Variants in RAPGEF4 observed in about 807,000 individuals in gnomAD.
The protein encoded by RAPGEF4 is Rap guanine nucleotide exchange factor 4, also known as RAP guanine-nucleotide-exchange factor (GEF) 4.
In RAPGEF4, 66 loss-of-function variants were observed where a neutral mutation model predicts 147.9. The ratio of observed to expected loss-of-function variants is 0.45; its 90% confidence interval spans 0.37 to 0.55. RAPGEF4 has a LOEUF of 0.55. Among genes scored for constraint, RAPGEF4 ranks in the 20% least tolerant of loss-of-function variants. RAPGEF4 has a pLI of 0.00. For missense variants in RAPGEF4, 1,071 were observed against 1,257.3 expected (o/e 0.85, Z 2.24); for synonymous variants, 419 against 442.7 (o/e 0.95, Z 0.67).
At chr2:173,020,118 A>G (rs1695925523) in intron 22 of RAPGEF4, among the ~76,000 whole-genome samples, 1 of 152,192 alleles carries the variant, frequency 6.6e-6, no homozygotes, top group Admixed American at 6.5e-5. Flanking sequence ...CATCTGAAGA[A>G]CTAATTTTTT....
At chr2:172,897,968 C>G (rs1189870333) in intron 4 of RAPGEF4, among the ~76,000 whole-genome samples, 4 of 152,088 alleles carry the variant, frequency 2.6e-5, no homozygotes, top group Admixed American at 6.5e-5. Context: ...TCCCTGGTGA[C>G]TGGGCTGGCG....
At chr2:172,859,562 A>C (rs539533940) in intron 4 of RAPGEF4, among the ~76,000 whole-genome samples, 2 of 152,338 alleles carry the variant, frequency 1.3e-5, no homozygotes, top group Admixed American at 1.3e-4. Context: ...ATAGCATTTT[A>C]TTCTTTGTAT....
intron 4 of RAPGEF4, among the ~76,000 whole-genome samples, chr2:172,903,761 A>G (rs1029061742): frequency 6.6e-6 from 1 of 152,160 alleles, no homozygotes; most frequent in African/African-American, 2.4e-5. Context: ...GGTGAGTTAT[A>G]TATGAATGCT....
chr2:172,950,308 C>T (rs1308826243), intron 6 of RAPGEF4, among the ~76,000 whole-genome samples: 7 of 152,058 alleles, frequency 4.6e-5, no homozygotes, highest in Non-Finnish European at 8.8e-5. Flanking sequence ...TACCCAGTGG[C>T]GGGGGCCGTG....
chr2:173,026,556 G>A lies in RAPGEF4; in HGVS notation c.2254-16G>A. On this transcript the variant is annotated splice_polypyrimidine_tract_variant and intron_variant, in intron 23 of 30. Coordinates refer to ENST00000397081, the MANE Select transcript of RAPGEF4 (RefSeq NM_007023.4). Reference sequence around the variant, plus strand: ...TGTGTTGAGTTTCTGATATGTTTTTGCATTATTATTCATAGACTCCCTTAC... The same window carrying A: ...TGTGTTGAGTTTCTGATATGTTTTTACATTATTATTCATAGACTCCCTTAC... The A allele has an allele frequency of 6.2e-7, 1 of 1,607,694 alleles. No individual in the cohort carries two copies. Among genetic ancestry groups the A allele is most frequent in the African/African-American group, 1.3e-5 (1 of 74,578 alleles).
At chr2:172,821,561 T>C in intron 4 of RAPGEF4, 1 of 987,376 alleles carries the variant, frequency 1.0e-6, no homozygotes, top group Non-Finnish European at 1.2e-6. Context: ...GCTGGTTCTC[T>C]TGTCTCTCTC....
chr2:172,886,877 C>T (rs1697285543), intron 4 of RAPGEF4, among the ~76,000 whole-genome samples: 1 of 152,198 alleles, frequency 6.6e-6, no homozygotes, highest in Non-Finnish European at 1.5e-5. Context: ...CGTGGGAAAG[C>T]ATGCCCTAGC....
intron 10 of RAPGEF4, among the ~76,000 whole-genome samples, chr2:172,972,481 G>C (rs1459306429): frequency 6.6e-6 from 1 of 152,192 alleles, no homozygotes; most frequent in African/African-American, 2.4e-5. Context: ...AAGAACCTAG[G>C]CTTCTGAAGT....
At chr2:172,736,120 C>T (rs1693734276) in intron 1 of RAPGEF4, 72 bp downstream of exon 1, 6 of 1,227,414 alleles carry the variant, frequency 4.9e-6, no homozygotes, top group Non-Finnish European at 6.3e-6. Context: ...CGCCGCAGCT[C>T]CGCACCTGGG....
At chr2:172,982,459 A>C (rs73977754) in intron 10 of RAPGEF4, among the ~76,000 whole-genome samples, 11,107 of 152,206 alleles carry the variant, frequency 0.073, 599 homozygotes, top group South Asian at 0.16. Context: ...ATAACCCATT[A>C]GTTTGTTTTC....
intron 17 of RAPGEF4, among the ~76,000 whole-genome samples, chr2:173,012,455 A>G (rs1437441942): frequency 6.6e-6 from 1 of 152,242 alleles, no homozygotes; most frequent in Non-Finnish European, 1.5e-5. Flanking sequence ...AAAAGATAGC[A>G]CCTGCCAAAG....
intron 10 of RAPGEF4, among the ~76,000 whole-genome samples, chr2:172,973,407 C>A (rs1042478062): frequency 6.6e-6 from 1 of 152,146 alleles, no homozygotes; most frequent in Non-Finnish European, 1.5e-5. Context: ...GCCACTGGGC[C>A]GAGCACCTTT....
rs1169736642 is a variant in RAPGEF4 at position 172,964,083 on chromosome 2, G to A, written c.699-1479G>A. On this transcript the variant is annotated intron_variant, in intron 8 of 30. Transcript: ENST00000397081. Reference sequence around the variant, plus strand: ...AAAAGCCAAATGAAATTGATTTTATGTATTTTTACATGATTTTTACGATTA... The same window carrying A: ...AAAAGCCAAATGAAATTGATTTTATATATTTTTACATGATTTTTACGATTA... Among the ~76,000 whole-genome samples, 5 of 152,160 alleles carry A rather than the reference G, an allele frequency of 3.3e-5. 1 individual carries two copies. In the East Asian group the frequency reaches 9.6e-4, roughly 29 times the overall value.
At chr2:172,963,596 A>G (rs1689521887) in intron 8 of RAPGEF4, among the ~76,000 whole-genome samples, 1 of 152,182 alleles carries the variant, frequency 6.6e-6, no homozygotes, top group Admixed American at 6.5e-5. Flanking sequence ...AAACCCCTGA[A>G]ATATAGGTGT....
At chr2:172,846,527 T>G (rs1692210400) in intron 4 of RAPGEF4, among the ~76,000 whole-genome samples, 2 of 151,958 alleles carry the variant, frequency 1.3e-5, no homozygotes, top group Admixed American at 6.6e-5. Flanking sequence ...GTCTAGGGGG[T>G]TGGGTTAATT....
At chr2:172,766,700 C>A (rs2357807) in intron 1 of RAPGEF4, among the ~76,000 whole-genome samples, 148,564 of 152,250 alleles carry the variant, frequency 0.98, 72,592 homozygotes, top group East Asian at 1. Flanking sequence ...TCTTCATCAA[C>A]ACCAACAGTG....
chr2:173,005,533 T>TG (rs199928357), intron 17 of RAPGEF4, among the ~76,000 whole-genome samples: 8 of 139,554 alleles, frequency 5.7e-5, no homozygotes, highest in Non-Finnish European at 9.3e-5. Context: ...TTTTTTTTTT[T>TG]TTTTTTTTGA....
chr2:172,981,280 C>T (rs745963988), intron 10 of RAPGEF4, among the ~76,000 whole-genome samples: 2 of 152,230 alleles, frequency 1.3e-5, no homozygotes, highest in Non-Finnish European at 2.9e-5. Flanking sequence ...ATCCATAATC[C>T]TATTACGCCT....
At position 172,967,445 on chromosome 2, in the gene RAPGEF4, G is replaced by T. The variant is rs1457967377; in HGVS notation, c.1004+1G>T. 1.2e-6 allele frequency: 2 copies of T among 1,609,404 alleles called. No homozygotes were observed. Among genetic ancestry groups the T allele is most frequent in the East Asian group, 4.5e-5 (2 of 44,786 alleles). ...ACATGAGGATGATCCTTCGCAAACC[G>T]TGAGTGAGAGCTCGTGGCTCACCCC... On this transcript the variant is annotated splice_donor_variant, in intron 10 of 30. Transcript: ENST00000397081. LOFTEE classifies it high-confidence loss of function.
Sources: gnomAD v4.1 joint callset for allele counts (sites outside exome capture counted in the v4.1 genomes callset) on GRCh38, gnomAD v4.1.1 for gene constraint, MANE v1.5 for transcripts, NCBI Gene and HGNC (gene_info 2026-07-23, HGNC 2026-07-21) for gene names.